The following GPATCH8 variants were observed in gnomAD, a reference collection of about 807,000 sequenced individuals.
The protein encoded by GPATCH8 is G patch domain-containing protein 8.
A neutral mutation model predicts 118.3 loss-of-function variants in GPATCH8; 18 were observed. The ratio of observed to expected loss-of-function variants is 0.15; its 90% CI spans 0.11 to 0.23. The LOEUF is 0.23. Among genes scored for constraint, GPATCH8 ranks in the 10% least tolerant of loss-of-function variants. The pLI is 1.00. For missense variants in GPATCH8, 1,631 were observed against 1,873.8 expected (o/e 0.87, Z 2.39); for synonymous variants, 659 against 684.7 (o/e 0.96, Z 0.59).
At chr17:44,412,531 C>T (rs1001831428) in intron 6 of GPATCH8, among the ~76,000 whole-genome samples, 19 of 152,022 alleles carry the variant, frequency 1.2e-4, no homozygotes, top group Admixed American at 9.8e-4. Flanking sequence ...GGACTACAGA[C>T]GCATGCCACC....
intron 3 of GPATCH8, 105 bp downstream of exon 3, chr17:44,464,367 G>A (rs750503570): frequency 1.3e-6 from 1 of 797,436 alleles, no homozygotes; most frequent in Non-Finnish European, 2.3e-6. Context: ...AGGTAGTAGG[G>A]AGAAACCCAA....
In GPATCH8 at chr17:44,467,825, G is replaced by C. The variant is rs187311765; in HGVS notation, c.121-3281C>G. Among the ~76,000 whole-genome samples, 330 of 152,224 alleles carry C rather than the reference G, an allele frequency of 2.2e-3. 1 individual carries two copies. The highest frequency in any genetic ancestry group is 7.6e-3 in the African/African-American group (315 of 41,522). On this transcript the variant is annotated intron_variant, in intron 2 of 7. Transcript: ENST00000591680. ...GCTTAAGGATGACGGCTAACACAAG[G>C]AGGCACACCAAAATAATTTATAACA...
chr17:44,399,237 C>T lies in GPATCH8; in HGVS notation c.2840G>A (p.Arg947Gln), dbSNP rs747151085. ...TCTTGAGCGCTCTCTGGTATGACTC[C>T]GAGATCGGCTTCGGGACTGGCTGCA... is the stretch of plus-strand genomic sequence containing the variant. ...LSCSQSRSRS[R>Q]SHTRERSRSR... Residue 947 changes from arginine (R) to glutamine (Q), a missense_variant, in exon 8 of 8, where the codon CGG becomes CAG. By Grantham distance (43) the Arg-to-Gln change is conservative (BLOSUM62 1). Around this residue, in one of 8 missense-constraint regions of GPATCH8, gnomAD observed 922 missense variants for 879.7 expected, o/e 1.05. Transcript: ENST00000591680. 35 of 1,613,944 alleles carry T rather than the reference C, an allele frequency of 2.2e-5. No homozygotes were observed. In the Admixed American group the frequency reaches 2.3e-4, roughly 11 times the overall value.
chr17:44,460,585 A>G (rs1409480919), intron 3 of GPATCH8, among the ~76,000 whole-genome samples: 1 of 152,204 alleles, frequency 6.6e-6, no homozygotes, highest in Non-Finnish European at 1.5e-5. Context: ...CATGGGTCAA[A>G]ATAATTTTTA....
rs1207766605 is a variant in GPATCH8 at position 44,397,931 on chromosome 17, A to T, written c.4146T>A (p.His1382Gln). ...ITTVQHAILQHHAAAAAAAIG... is the reference protein window; with the variant it reads ...ITTVQHAILQQHAAAAAAAIG... ...TGGCGGCAGCAGCTGCGGCAGCATGATGTTGTAGGATGGCATGCTGAACAG... is the reference window on the plus strand; with the variant it reads ...TGGCGGCAGCAGCTGCGGCAGCATGTTGTTGTAGGATGGCATGCTGAACAG... Residue 1382 changes from histidine to glutamine, a missense_variant, in exon 8 of 8, where the codon CAT (histidine) becomes CAA (glutamine). Coordinates refer to ENST00000591680, the MANE Select transcript of GPATCH8 (RefSeq NM_001002909.4). The T allele has an allele frequency of 4.3e-6, 7 of 1,612,930 alleles. No homozygotes were observed. Among genetic ancestry groups the T allele is most frequent in the Non-Finnish European group, 3.4e-6 (4 of 1,179,110 alleles).
intron 5 of GPATCH8, among the ~76,000 whole-genome samples, chr17:44,432,364 G>A (rs927316058): frequency 2.0e-5 from 3 of 151,996 alleles, no homozygotes; most frequent in Non-Finnish European, 2.9e-5. Context: ...AAAAACATAC[G>A]GGAAGGCAGA....
intron 5 of GPATCH8, among the ~76,000 whole-genome samples, chr17:44,430,360 C>A (rs1022677643): frequency 3.9e-5 from 6 of 151,906 alleles, no homozygotes; most frequent in Admixed American, 2.0e-4. Flanking sequence ...GTTCAACATA[C>A]AAAAATCAAT....
At chr17:44,454,122 ATTC>A (rs780996205) in intron 3 of GPATCH8, among the ~76,000 whole-genome samples, 11 of 152,090 alleles carry the variant, frequency 7.2e-5, no homozygotes, top group South Asian at 2.1e-4. Context: ...ACCCCTAGTT[ATTC>A]TTCTTTTGAA....
intron 7 of GPATCH8, among the ~76,000 whole-genome samples, chr17:44,404,359 T>G (rs2049140799): frequency 6.6e-6 from 1 of 151,974 alleles, no homozygotes; most frequent in Admixed American, 6.6e-5. Flanking sequence ...CCCTGGCTGG[T>G]CTTGAGCTCC....
At chr17:44,426,603 CAA>C (rs754510329) in intron 5 of GPATCH8, among the ~76,000 whole-genome samples, 7 of 82,822 alleles carry the variant, frequency 8.5e-5, no homozygotes, top group African/African-American at 1.6e-4. Context: ...GACCTTGTCT[CAA>C]AAAAAAAAAA....
chr17:44,400,811 A>C lies in GPATCH8; in HGVS notation c.1266T>G (p.Gly422=). ...CATTCTTTGGGTGTGTAGTATTATC[A>C]CCATCCATTTGTTCACTGGCTCTCA... ...LFMRASEQMD[G]DNTTHPKNAP... is the part of the protein sequence containing the mutation. Residue 422 remains glycine (G), a synonymous_variant, in exon 8 of 8, where the codon GGT becomes GGG. Transcript: ENST00000591680. 1 of 1,614,174 alleles carries C rather than the reference A, an allele frequency of 6.2e-7. No individual in the cohort carries two copies. Among genetic ancestry groups the C allele is most frequent in the East Asian group, 2.2e-5 (1 of 44,888 alleles).
intron 6 of GPATCH8, among the ~76,000 whole-genome samples, chr17:44,408,781 G>A (rs1334669975): frequency 6.6e-6 from 1 of 152,154 alleles, no homozygotes; most frequent in Non-Finnish European, 1.5e-5. Context: ...AATATGGTTG[G>A]AGGTAGATAC....
At chr17:44,484,157 ATT>A (rs548610253) in intron 1 of GPATCH8, among the ~76,000 whole-genome samples, 1 of 150,462 alleles carries the variant, frequency 6.6e-6, no homozygotes, top group South Asian at 2.1e-4. Flanking sequence ...TTATTTATTT[ATT>A]TTTTAGCAGA....
At chr17:44,423,148 G>C (rs1019568420) in intron 6 of GPATCH8, among the ~76,000 whole-genome samples, 2 of 152,042 alleles carry the variant, frequency 1.3e-5, no homozygotes, top group African/African-American at 4.8e-5. Context: ...GGCTGAGGCA[G>C]GAGAATCACT....
chr17:44,399,630 C>T lies in GPATCH8; in HGVS notation c.2447G>A (p.Gly816Glu). ...RSSHRSQPSS[G>E]DEDSDDASSH... ...GGAAGCATCATCACTATCCTCATCT[C>T]CACTACTGGGTTGGCTCCGATGGCT... The change falls in exon 8 of 8, where the codon GGA (glycine) becomes GAA (glutamate). Residue 816 changes from glycine (G) to glutamate (E), a missense_variant. Gly to Glu is a moderately conservative substitution (Grantham distance 98). Transcript: ENST00000591680. 2 of 1,614,220 alleles carry T rather than the reference C, an allele frequency of 1.2e-6. No individual in the cohort carries two copies. Among genetic ancestry groups the T allele is most frequent in the East Asian group, 2.2e-5 (1 of 44,882 alleles).
In GPATCH8 at chr17:44,487,440, T is replaced by A. The variant is rs553987568; in HGVS notation, c.46-12537A>T. On this transcript the variant is annotated intron_variant, in intron 1 of 7. Transcript: ENST00000591680. ...TGGACTGCTGCCAAGTTTTGGCAAT[T>A]ACAAATAAAGAATGCTATAAACATC... Among the ~76,000 whole-genome samples the A allele has an allele frequency of 2.4e-4, 36 of 152,356 alleles. 1 individual carries two copies. In the South Asian group the frequency reaches 7.0e-3, roughly 30 times the overall value.
intron 6 of GPATCH8, among the ~76,000 whole-genome samples, chr17:44,407,047 TA>T (rs1195842877): frequency 6.6e-6 from 1 of 152,112 alleles, no homozygotes; most frequent in African/African-American, 2.4e-5. Flanking sequence ...TGACCCAGTA[TA>T]AAGTGGACAT....
chr17:44,416,511 G>C (rs898758233), intron 6 of GPATCH8, among the ~76,000 whole-genome samples: 1 of 152,110 alleles, frequency 6.6e-6, no homozygotes, highest in African/African-American at 2.4e-5. Context: ...GGTATGAACA[G>C]TGGTATAGAA....
chr17:44,402,181 G>A (rs1263646539), intron 7 of GPATCH8, among the ~76,000 whole-genome samples: 1 of 151,408 alleles, frequency 6.6e-6, no homozygotes, highest in African/African-American at 2.4e-5. Flanking sequence ...TTAGCTGGCT[G>A]TGGTGGCGGG....
Sources: gnomAD v4.1 joint callset for allele counts (sites outside exome capture counted in the v4.1 genomes callset) on GRCh38, gnomAD v4.1.1 for gene constraint, gnomAD v4.1.1 regional missense constraint, MANE v1.5 for transcripts, NCBI Gene and HGNC (gene_info 2026-07-23, HGNC 2026-07-21) for gene names.